CDH11: variants seen among roughly 807,000 people sequenced by gnomAD.
CDH11 encodes cadherin-11.
Under a neutral mutation model 67.8 loss-of-function variants are expected in CDH11, and 11 were observed. That is an observed-to-expected ratio of 0.16 (90% CI 0.10 to 0.27). The LOEUF is 0.27. Ranked by LOEUF, CDH11 falls within the 10% of genes least tolerant of loss-of-function variation. CDH11 has a pLI of 1.00. For synonymous variants in CDH11, 419 were observed against 400.0 expected (o/e 1.05, Z -0.57); for missense variants, 847 against 1,031.2 (o/e 0.82, Z 2.45).
intron 1 of CDH11, among the ~76,000 whole-genome samples, chr16:65,110,018 G>A (rs950505852): frequency 2.5e-4 from 38 of 152,130 alleles, no homozygotes; most frequent in Middle Eastern, 3.2e-3. Context: ...CTACAGGCAC[G>A]TGACACCGTG....
rs750143886 is a variant in CDH11 at position 64,998,567 on chromosome 16, T to C, written c.518A>G (p.Asn173Ser). The change falls in exon 4 of 13, where the codon AAT becomes AGT. Residue 173 changes from asparagine to serine, a missense_variant. By Grantham distance (46) the Asn-to-Ser change is conservative. Transcript: ENST00000268603. ...TYHANVPERS[N>S]VGTSVIQVTA... ...GCCTCCCACACCGTACGCACCCACA[T>C]TGGACCTCTCAGGCACGTTGGCATG... is the stretch of plus-strand genomic sequence containing the variant. 3 of 1,613,856 alleles carry C rather than the reference T, an allele frequency of 1.9e-6. No homozygotes were observed. Among genetic ancestry groups the C allele is most frequent in the Non-Finnish European group, 2.5e-6 (3 of 1,179,968 alleles).
At chr16:64,987,932 G>A (rs572789825) in intron 7 of CDH11, 30 of 403,904 alleles carry the variant, frequency 7.4e-5, no homozygotes, top group African/African-American at 6.2e-4. Context: ...GAACTAACTA[G>A]CAATCTCAGG....
intron 3 of CDH11, among the ~76,000 whole-genome samples, chr16:65,003,302 GGCTGGAGTACA>G (rs1479936734): frequency 6.6e-6 from 1 of 151,206 alleles, no homozygotes; most frequent in Non-Finnish European, 1.5e-5. Context: ...CTGTCTCCCA[GGCTGGAGTACA>G]GTGGCACATC....
Position 64,944,899 on chromosome 16 carries a change from T to C in CDH11, c.*2704A>G, listed in dbSNP as rs1211259954. On this transcript the variant is annotated 3_prime_UTR_variant, in exon 13 of 13. Coordinates refer to ENST00000268603, the MANE Select transcript of CDH11 (RefSeq NM_001797.4). ...TTTTCTAGGAGGGCAAATAGGTAAA[T>C]AGGTGATTATAAGACAACAAGGTGG... The C allele has an allele frequency of 6.8e-5, 15 of 219,008 alleles. No individual in the cohort carries two copies. The highest frequency in any genetic ancestry group is 5.5e-4 in the South Asian group (3 of 5,422). 13.6% of individuals were successfully genotyped at this position (219,008 alleles called of 1,614,324 possible). A position where few individuals can be genotyped will look rare whatever the true frequency, so the allele number is the denominator to read the frequency against.
chr16:64,981,930 G>T, intron 8 of CDH11, 118 bp downstream of exon 8: 1 of 837,208 alleles, frequency 1.2e-6, no homozygotes. Flanking sequence ...ACATTCTATT[G>T]AACCTGATAA....
chr16:65,024,713 G>T (rs796804925), intron 2 of CDH11, among the ~76,000 whole-genome samples: 3 of 152,112 alleles, frequency 2.0e-5, no homozygotes, highest in African/African-American at 7.2e-5. Flanking sequence ...AGAATATAGC[G>T]CTGGGCATTC....
At chr16:65,038,097 T>C (rs1597120272) in intron 2 of CDH11, among the ~76,000 whole-genome samples, 1 of 152,128 alleles carries the variant, frequency 6.6e-6, no homozygotes, top group South Asian at 2.1e-4. Context: ...TGAGAAAGAC[T>C]TCCATTTCCT....
chr16:65,021,862 C>G (rs1356071125), intron 2 of CDH11, among the ~76,000 whole-genome samples: 2 of 117,656 alleles, frequency 1.7e-5, no homozygotes, highest in African/African-American at 5.8e-5. Context: ...TAGAATCACC[C>G]CTAAAGTAAC....
chr16:65,122,535 C>A (rs151156523), upstream of CDH11, among the ~76,000 whole-genome samples: 854 of 152,252 alleles, frequency 5.6e-3, 6 homozygotes, highest in African/African-American at 0.019. Context: ...GGGAAGGTAT[C>A]GTCCAAGTGA....
At chr16:65,075,868 C>T (rs780277058) in intron 1 of CDH11, among the ~76,000 whole-genome samples, 13 of 152,192 alleles carry the variant, frequency 8.5e-5, no homozygotes, top group Non-Finnish European at 1.8e-4. Context: ...ATTGTGTTTT[C>T]TTCTTAGGGC....
chr16:65,007,676 C>T (rs1370718348), intron 2 of CDH11, among the ~76,000 whole-genome samples: 1 of 152,188 alleles, frequency 6.6e-6, no homozygotes, highest in Non-Finnish European at 1.5e-5. Context: ...TTCTGTCTCA[C>T]TCTGTAAACT....
At chr16:65,068,553 AG>A (rs1194332930) in intron 1 of CDH11, among the ~76,000 whole-genome samples, 7 of 152,148 alleles carry the variant, frequency 4.6e-5, no homozygotes, top group Non-Finnish European at 8.8e-5. Context: ...AGTTAATGAA[AG>A]CTCTCTCAAG....
intron 1 of CDH11, among the ~76,000 whole-genome samples, chr16:65,077,741 T>C (rs992329057): frequency 6.6e-6 from 1 of 152,230 alleles, no homozygotes; most frequent in African/African-American, 2.4e-5. Flanking sequence ...CTCAGAAGTA[T>C]CAAGTTTCAC....
chr16:64,945,929 T>C lies in CDH11; in HGVS notation c.*1674A>G. ...GGAAAGAGGGAAAGCACTTGCAGTG[T>C]GACTTTATGTGGTCTTTCCCCAAGT... On this transcript the variant is annotated 3_prime_UTR_variant, in exon 13 of 13. Transcript: ENST00000268603. The C allele has an allele frequency of 1.9e-6, 2 of 1,058,636 alleles. No individual in the cohort carries two copies. The highest frequency in any genetic ancestry group is 2.3e-6 in the Non-Finnish European group (2 of 875,152). The allele number at this position is 1,058,636 out of a possible 1,614,324, so 65.6% of individuals were successfully genotyped here.
chr16:64,963,831 A>C (rs1393305871), intron 11 of CDH11, among the ~76,000 whole-genome samples: 1 of 152,190 alleles, frequency 6.6e-6, no homozygotes, highest in Non-Finnish European at 1.5e-5. Context: ...AAAAAAACAT[A>C]CCAACCTAGA....
chr16:64,981,097 C>CTTTCTTTTTTTTTT (rs2072328141), intron 8 of CDH11: 1 of 116,470 alleles, frequency 8.6e-6, no homozygotes, highest in African/African-American at 3.8e-5. Context: ...TTCTTTCTTT[C>CTTTCTTTTTTTTTT]TTTTTTTTTT....
intron 1 of CDH11, among the ~76,000 whole-genome samples, chr16:65,089,909 T>A (rs2074766971): frequency 6.6e-6 from 1 of 152,142 alleles, no homozygotes; most frequent in Admixed American, 6.5e-5. Flanking sequence ...TATTATTGTA[T>A]TTATTTTCAA....
chr16:64,989,985 T>C (rs2072590305), intron 6 of CDH11, among the ~76,000 whole-genome samples: 1 of 152,210 alleles, frequency 6.6e-6, no homozygotes. Context: ...AATCTCACCA[T>C]GCCCTCTATA....
At chr16:65,043,951 T>C (rs2073910293) in intron 2 of CDH11, among the ~76,000 whole-genome samples, 1 of 152,078 alleles carries the variant, frequency 6.6e-6, no homozygotes, top group African/African-American at 2.4e-5. Flanking sequence ...TATTCTTCTA[T>C]GGAATGGGGC....
Sources: allele counts gnomAD v4.1 joint callset (sites outside exome capture counted in the v4.1 genomes callset), GRCh38; gene constraint gnomAD v4.1.1; transcripts MANE v1.5; gene names NCBI Gene and HGNC (gene_info 2026-07-23, HGNC 2026-07-21).